The following TMEM135 variants were observed in gnomAD, a reference collection of about 807,000 sequenced individuals.
TMEM135 encodes the protein peroxisomal membrane protein 52.
TMEM135 carries 30 observed loss-of-function variants against 60.3 expected under a neutral mutation model. The ratio of observed to expected loss-of-function variants is 0.50; its 90% CI spans 0.37 to 0.68. TMEM135 has a LOEUF of 0.68. Among genes scored for constraint, TMEM135 ranks in the 30% least tolerant of loss-of-function variants. The pLI is 0.00. For missense variants in TMEM135, 468 were observed against 548.8 expected (o/e 0.85, Z 1.47); for synonymous variants, 190 against 186.7 (o/e 1.02, Z -0.14).
intron 5 of TMEM135, among the ~76,000 whole-genome samples, chr11:87,173,106 T>C (rs1939281760): frequency 6.6e-6 from 1 of 152,158 alleles, no homozygotes; most frequent in Non-Finnish European, 1.5e-5. Flanking sequence ...TTTTTTCTTA[T>C]ATATTTTTGT....
At chr11:87,183,135 ATTTTTTTTT>A (rs772123636) in intron 5 of TMEM135, among the ~76,000 whole-genome samples, 2 of 92,618 alleles carry the variant, frequency 2.2e-5, no homozygotes, top group African/African-American at 4.4e-5. Context: ...GTAATCACTA[ATTTTTTTTT>A]TTTTTTTTTT....
chr11:87,294,997 G>A (rs1016306413), intron 6 of TMEM135, among the ~76,000 whole-genome samples: 2 of 152,052 alleles, frequency 1.3e-5, no homozygotes, highest in African/African-American at 4.8e-5. Flanking sequence ...TTTAAAGTCA[G>A]ACAATCCCCT....
chr11:87,109,630 G>A (rs1857690523), intron 4 of TMEM135, among the ~76,000 whole-genome samples: 1 of 152,168 alleles, frequency 6.6e-6, no homozygotes, highest in African/African-American at 2.4e-5. Flanking sequence ...ACAATTTATT[G>A]CTGGTAACTA....
intron 6 of TMEM135, among the ~76,000 whole-genome samples, chr11:87,265,924 A>C (rs560629297): frequency 6.6e-6 from 1 of 152,124 alleles, no homozygotes; most frequent in Non-Finnish European, 1.5e-5. Flanking sequence ...CTTTACGTGC[A>C]TATAATTTGT....
intron 6 of TMEM135, among the ~76,000 whole-genome samples, chr11:87,282,350 C>T (rs558906207): frequency 1.8e-4 from 28 of 152,150 alleles, no homozygotes; most frequent in South Asian, 1.7e-3. Context: ...CTGCAACCTC[C>T]GCCTCCCGGG....
Position 87,325,698 on chromosome 11 carries a change from A to G in TMEM135, c.*4365A>G. On this transcript the variant is annotated 3_prime_UTR_variant, in exon 15 of 15. Transcript: ENST00000305494. ...CAATGGAGTAAACATTTCCAGAGAC[A>G]CTGATTTTTTTTTTATATGCTCTGT... 2.3e-6 allele frequency: 1 copy of G among 439,298 alleles called. No individual in the cohort carries two copies. Among genetic ancestry groups the G allele is most frequent in the Admixed American group, 2.4e-5 (1 of 41,438 alleles). The allele number at this position is 439,298 out of a possible 1,614,324, so 27.2% of individuals were successfully genotyped here.
At chr11:87,079,778 TTA>T (rs1856947677) in intron 3 of TMEM135, among the ~76,000 whole-genome samples, 1 of 151,954 alleles carries the variant, frequency 6.6e-6, no homozygotes, top group African/African-American at 2.4e-5. Flanking sequence ...TAATATTTTG[TTA>T]TATGGCTTTT....
intron 5 of TMEM135, among the ~76,000 whole-genome samples, chr11:87,196,603 T>TG (rs796242848): frequency 9.9e-5 from 15 of 152,126 alleles, no homozygotes; most frequent in African/African-American, 3.6e-4. Flanking sequence ...GGGAATTTGA[T>TG]GGGGGGAACC....
intron 2 of TMEM135, among the ~76,000 whole-genome samples, chr11:87,070,036 G>A (rs1052569431): frequency 6.6e-6 from 1 of 151,918 alleles, no homozygotes; most frequent in African/African-American, 2.4e-5. Flanking sequence ...AACCAGGCAT[G>A]GTAGTGTGCC....
At chr11:87,168,225 G>T (rs1256493124) in intron 5 of TMEM135, among the ~76,000 whole-genome samples, 2 of 151,002 alleles carry the variant, frequency 1.3e-5, no homozygotes, top group Admixed American at 6.6e-5. Context: ...TCTGGCTCTG[G>T]TCTATTTTGT....
chr11:87,075,342 G>C (rs1856849677), intron 3 of TMEM135, among the ~76,000 whole-genome samples: 1 of 151,892 alleles, frequency 6.6e-6, no homozygotes, highest in African/African-American at 2.4e-5. Flanking sequence ...TTTTAGTAGA[G>C]ACGGGATTTC....
At chr11:87,111,650 C>CAAAAAAAAA (rs746609752) in intron 4 of TMEM135, among the ~76,000 whole-genome samples, 1 of 73,930 alleles carries the variant, frequency 1.4e-5, no homozygotes, top group African/African-American at 5.4e-5. Flanking sequence ...GACTCCGTCT[C>CAAAAAAAAA]AAAAAAAAAA....
At chr11:87,098,107 T>C (rs1407113028) in intron 4 of TMEM135, among the ~76,000 whole-genome samples, 2 of 151,728 alleles carry the variant, frequency 1.3e-5, no homozygotes, top group African/African-American at 4.9e-5. Flanking sequence ...CATAGATGAA[T>C]GTGTTTATTA....
intron 4 of TMEM135, among the ~76,000 whole-genome samples, chr11:87,119,930 G>T (rs2135212265): frequency 6.6e-6 from 1 of 151,108 alleles, no homozygotes. Context: ...AAATAAGATT[G>T]CCTGCATATG....
intron 6 of TMEM135, among the ~76,000 whole-genome samples, chr11:87,240,958 G>T (rs1256729106): frequency 6.6e-6 from 1 of 152,096 alleles, no homozygotes; most frequent in East Asian, 1.9e-4. Flanking sequence ...TAAATAATCT[G>T]ATGTCAACAT....
chr11:87,158,565 C>A (rs948641733), intron 5 of TMEM135, among the ~76,000 whole-genome samples: 2 of 151,406 alleles, frequency 1.3e-5, no homozygotes, highest in African/African-American at 2.4e-5. Context: ...AGGTACATGC[C>A]ATTCTCCTGC....
chr11:87,080,835 T>C (rs2445584), intron 3 of TMEM135, among the ~76,000 whole-genome samples: 82,877 of 151,836 alleles, frequency 0.55, 23,387 homozygotes, highest in East Asian at 0.71. Context: ...TACAGGCACG[T>C]GCCACCACGC....
At chr11:87,259,380 G>C in intron 6 of TMEM135, 1 of 303,526 alleles carries the variant, frequency 3.3e-6, no homozygotes. Context: ...AATTTTATGT[G>C]TGTGTGTATA....
chr11:87,119,428 C>A (rs919116573), intron 4 of TMEM135, among the ~76,000 whole-genome samples: 1 of 152,174 alleles, frequency 6.6e-6, no homozygotes, highest in African/African-American at 2.4e-5. Context: ...ATAGGCCAGG[C>A]GCGATGGCTC....
Sources: allele counts gnomAD v4.1 joint callset (sites outside exome capture counted in the v4.1 genomes callset), GRCh38; gene constraint gnomAD v4.1.1; transcripts MANE v1.5; gene names NCBI Gene and HGNC (gene_info 2026-07-23, HGNC 2026-07-21).